Variants in RPTOR observed in about 807,000 individuals in gnomAD.
RPTOR encodes regulatory associated protein of MTOR complex 1.
In RPTOR, 21 loss-of-function variants were observed where a neutral mutation model predicts 169.9. The ratio of observed to expected loss-of-function variants is 0.12; its 90% CI spans 0.09 to 0.18. The LOEUF (loss-of-function observed/expected upper bound fraction) is 0.18. Among genes scored for constraint, RPTOR ranks in the 10% least tolerant of loss-of-function variants. The probability of loss-of-function intolerance (pLI) is 1.00; values close to 1 mark genes in which losing one functional copy is unlikely to be tolerated. For missense variants in RPTOR, 1,133 were observed against 1,855.9 expected, an observed-to-expected ratio of 0.61 and a Z score of 7.16; for synonymous variants, 732 against 753.2, an observed-to-expected ratio of 0.97 and a Z score of 0.46.
At chr17:80,834,549 G>A (rs72856017) in intron 9 of RPTOR, among the ~76,000 whole-genome samples, 7,146 of 152,186 alleles carry the variant, frequency 0.047, 234 homozygotes, top group Non-Finnish European at 0.067. Context: ...GTCAGTCCCC[G>A]CCTCCCACCC....
intron 1 of RPTOR, among the ~76,000 whole-genome samples, chr17:80,613,604 G>A (rs2065286916): frequency 6.7e-6 from 1 of 149,912 alleles, no homozygotes; most frequent in East Asian, 1.9e-4. Flanking sequence ...TGGGCTGTGT[G>A]TTGTGTGGAC....
intron 21 of RPTOR, among the ~76,000 whole-genome samples, chr17:80,918,579 G>T (rs2068708251): frequency 6.6e-6 from 1 of 152,126 alleles, no homozygotes; most frequent in Non-Finnish European, 1.5e-5. Context: ...CACTAGGTTG[G>T]CTCTTGGAGC....
At chr17:80,824,606 G>GA (rs914463236) in intron 9 of RPTOR, among the ~76,000 whole-genome samples, 8 of 150,442 alleles carry the variant, frequency 5.3e-5, no homozygotes, top group Admixed American at 1.3e-4. Flanking sequence ...GAAGGAAAAA[G>GA]AAAAAAAAAG....
rs898637568 is a variant in RPTOR, at chr17:80,659,379, T to G, written c.348+15569T>G. ...CAGGCTCTCGCTCTGTCACCCAGGC[T>G]GGGGTGCAGTGGTGCAATCACGGGT... On this transcript the variant is annotated intron_variant, in intron 3 of 33. Transcript: ENST00000306801. This position sits in a 1 kb window ranked among gnomAD's most constrained non-coding sequence, Gnocchi z 4.3. Among the ~76,000 whole-genome samples the G allele has an allele frequency of 6.6e-6, 1 of 152,210 alleles. No homozygotes were observed. The highest frequency in any genetic ancestry group is 6.5e-5 in the Admixed American group (1 of 15,282).
chr17:80,554,298 T>C (rs943756099), intron 1 of RPTOR, among the ~76,000 whole-genome samples: 1 of 152,280 alleles, frequency 6.6e-6, no homozygotes, highest in South Asian at 2.1e-4. Context: ...AAACTACCAC[T>C]TACTCAATTT....
chr17:80,841,344 G>A (rs1283312966), intron 10 of RPTOR, among the ~76,000 whole-genome samples: 1 of 108,892 alleles, frequency 9.2e-6, no homozygotes, highest in African/African-American at 4.0e-5. Flanking sequence ...TTCACCGCAC[G>A]GCAGCTCGCT....
At chr17:80,606,828 G>A (rs974027863) in intron 1 of RPTOR, among the ~76,000 whole-genome samples, 15 of 152,232 alleles carry the variant, frequency 9.9e-5, no homozygotes, top group African/African-American at 3.4e-4. Flanking sequence ...TTTTGGGGGT[G>A]TGAGTATCCG....
intron 11 of RPTOR, among the ~76,000 whole-genome samples, chr17:80,847,218 G>A (rs895379150): frequency 1.3e-5 from 2 of 152,372 alleles, no homozygotes; most frequent in African/African-American, 2.4e-5. Flanking sequence ...CAGTGCCCAC[G>A]GGGCCCGTGT....
chr17:80,812,396 G>A (rs967097242), intron 7 of RPTOR, among the ~76,000 whole-genome samples: 2 of 151,940 alleles, frequency 1.3e-5, no homozygotes, highest in Non-Finnish European at 1.5e-5. Context: ...CAGGTATTTG[G>A]GGTGATTTGA....
intron 7 of RPTOR, among the ~76,000 whole-genome samples, chr17:80,816,726 C>T (rs1028700496): frequency 6.6e-6 from 1 of 152,136 alleles, no homozygotes; most frequent in Non-Finnish European, 1.5e-5. Context: ...CTTGGAAGGG[C>T]GGTGAGGACA....
chr17:80,683,272 C>A (rs1300309169), intron 3 of RPTOR, among the ~76,000 whole-genome samples: 1 of 152,146 alleles, frequency 6.6e-6, no homozygotes, highest in Non-Finnish European at 1.5e-5. Context: ...CAGTTCTAAT[C>A]CTCAGTTTGC....
chr17:80,839,218 G>A (rs1235481638), intron 10 of RPTOR, among the ~76,000 whole-genome samples: 1 of 152,236 alleles, frequency 6.6e-6, no homozygotes, highest in Non-Finnish European at 1.5e-5. Flanking sequence ...TAACTCCTCA[G>A]ATGATTTTGA....
intron 1 of RPTOR, among the ~76,000 whole-genome samples, chr17:80,600,667 G>T (rs2065178385): frequency 6.6e-6 from 1 of 152,150 alleles, no homozygotes; most frequent in Non-Finnish European, 1.5e-5. Flanking sequence ...CTGCACACAG[G>T]CTTCTCAGCT....
chr17:80,563,647 T>TTTGTTTTAGTCAGG (rs1451387627), intron 1 of RPTOR, among the ~76,000 whole-genome samples: 6 of 151,816 alleles, frequency 4.0e-5, no homozygotes, highest in African/African-American at 1.5e-4. Flanking sequence ...AATCAAGATA[T>TTTGTTTTAGTCAGG]TTGTTTTAGT....
At chr17:80,905,965 C>T (rs1328120928) in intron 20 of RPTOR, among the ~76,000 whole-genome samples, 1 of 152,224 alleles carries the variant, frequency 6.6e-6, no homozygotes, top group Non-Finnish European at 1.5e-5. Context: ...AGTCGAGCCT[C>T]GTGGGGAGCT....
At chr17:80,900,756 T>C (rs1157823626) in intron 20 of RPTOR, among the ~76,000 whole-genome samples, 1 of 152,190 alleles carries the variant, frequency 6.6e-6, no homozygotes, top group Non-Finnish European at 1.5e-5. Flanking sequence ...GTCCCTCCAC[T>C]CACACGTATC....
At chr17:80,874,490 A>G (rs529978845) in intron 13 of RPTOR, among the ~76,000 whole-genome samples, 41 of 152,194 alleles carry the variant, frequency 2.7e-4, no homozygotes, top group African/African-American at 9.2e-4. Flanking sequence ...TTTACAGAAA[A>G]TCAATGTGTC....
intron 3 of RPTOR, among the ~76,000 whole-genome samples, chr17:80,660,270 CAA>C (rs35167825): frequency 0.13 from 13,020 of 102,944 alleles, 1,840 homozygotes; most frequent in African/African-American, 0.37. Flanking sequence ...GACTGTGTCT[CAA>C]AAAAAAAAAA....
chr17:80,922,637 C>T (rs977036739), intron 21 of RPTOR, 87 bp from the exon 22 acceptor site: 18 of 1,068,224 alleles, frequency 1.7e-5, no homozygotes, highest in East Asian at 2.6e-5. Flanking sequence ...GATTCTGAAG[C>T]GGCTCCACGC....
Sources: allele counts gnomAD v4.1 joint callset (sites outside exome capture counted in the v4.1 genomes callset), GRCh38; gene constraint gnomAD v4.1.1; non-coding constraint Gnocchi (gnomAD v3.1); transcripts MANE v1.5; gene names NCBI Gene and HGNC (gene_info 2026-07-23, HGNC 2026-07-21).